Variants in RALGAPA2 observed in about 807,000 individuals in gnomAD.
The protein encoded by RALGAPA2 is Ral GTPase activating protein catalytic subunit alpha 2, also known as ral GTPase-activating protein subunit alpha-2.
Under a neutral mutation model 230.4 loss-of-function variants are expected in RALGAPA2, and 139 were observed. The observed-to-expected ratio is 0.60, with a 90% CI of 0.53 to 0.69. The LOEUF (loss-of-function observed/expected upper bound fraction) is 0.69. RALGAPA2 is among the 30% of genes least tolerant of loss of function. RALGAPA2 has a pLI of 0.00. For missense variants in RALGAPA2, 2,163 were observed against 2,276.0 expected, an observed-to-expected ratio of 0.95 and a Z score of 1.01; for synonymous variants, 847 against 837.8, an observed-to-expected ratio of 1.01 and a Z score of -0.19.
intron 37 of RALGAPA2, among the ~76,000 whole-genome samples, chr20:20,467,464 T>A (rs2061443425): frequency 6.6e-6 from 1 of 152,246 alleles, no homozygotes; most frequent in Admixed American, 6.5e-5. Context: ...TCCTTTATTC[T>A]ACATGATTTC....
chr20:20,655,025 T>C (rs1024101886), intron 3 of RALGAPA2, among the ~76,000 whole-genome samples: 1 of 152,238 alleles, frequency 6.6e-6, no homozygotes, highest in African/African-American at 2.4e-5. Context: ...ATAAACTTGT[T>C]GGCCAAATGT....
chr20:20,690,078 TTC>T (rs1392477381), intron 1 of RALGAPA2, among the ~76,000 whole-genome samples: 59 of 152,322 alleles, frequency 3.9e-4, no homozygotes, highest in African/African-American at 1.4e-3. Flanking sequence ...CATAAGTGTA[TTC>T]TACAAGTACA....
chr20:20,482,385 T>C (rs994794429), intron 36 of RALGAPA2, among the ~76,000 whole-genome samples: 1 of 151,888 alleles, frequency 6.6e-6, no homozygotes, highest in Admixed American at 6.6e-5. Context: ...CTACAGAGAG[T>C]TCTTTTCTAG....
At position 20,582,608 on chromosome 20, in the gene RALGAPA2, G is replaced by T. The variant is rs530807328; in HGVS notation, c.2707+442C>A. ...CCCAAGATAATGGGAGAAGGGGAGG[G>T]ACTTGAGAAGGACCTCTAGGAGACC... On this transcript the variant is annotated intron_variant, in intron 20 of 39. Coordinates refer to ENST00000202677, the MANE Select transcript of RALGAPA2 (RefSeq NM_020343.4). 2.6e-5 allele frequency among the ~76,000 whole-genome samples: 4 copies of T among 152,150 alleles called. No homozygotes were observed. In the East Asian group the frequency reaches 7.7e-4, roughly 29 times the overall value.
intron 13 of RALGAPA2, among the ~76,000 whole-genome samples, chr20:20,614,004 T>C (rs1052778401): frequency 4.6e-5 from 7 of 152,320 alleles, no homozygotes; most frequent in Non-Finnish European, 7.4e-5. Context: ...AGGGACCTTG[T>C]CTACATAGTT....
chr20:20,400,633 A>G (rs948113765), intron 38 of RALGAPA2, among the ~76,000 whole-genome samples: 9 of 152,176 alleles, frequency 5.9e-5, no homozygotes, highest in Non-Finnish European at 1.0e-4. Flanking sequence ...TCTCACTCTC[A>G]TGGAACATAA....
At chr20:20,570,137 A>C (rs1253677150) in intron 23 of RALGAPA2, among the ~76,000 whole-genome samples, 1 of 152,186 alleles carries the variant, frequency 6.6e-6, no homozygotes, top group African/African-American at 2.4e-5. Flanking sequence ...TAGGAAATAA[A>C]TGAGATTATG....
Position 20,513,044 on chromosome 20 carries a change from G to A in RALGAPA2, c.4325C>T (p.Thr1442Ile), listed in dbSNP as rs767357889. 22 of 1,612,150 alleles carry A rather than the reference G, an allele frequency of 1.4e-5. No homozygotes were observed. The highest frequency in any genetic ancestry group is 1.8e-5 in the Non-Finnish European group (21 of 1,179,246). Residue 1442 changes from threonine to isoleucine, a missense_variant, in exon 32 of 40, where the codon ACA becomes ATA. By Grantham distance (89) the Thr-to-Ile change is moderately conservative (BLOSUM62 -1). Transcript: ENST00000202677. ...TCCCCCTACCGGTCCTTCTGTGGGT[G>A]TCTGAAGGTAGGAGATGAGGGTGCT... ...NDSTLISYLQ[T>I]PTEGPVGGSP...
chr20:20,536,082 G>A lies in RALGAPA2; in HGVS notation c.3415-279C>T, dbSNP rs188937205. On this transcript the variant is annotated intron_variant, in intron 25 of 39. Coordinates refer to ENST00000202677, the MANE Select transcript of RALGAPA2 (RefSeq NM_020343.4). ...TCAGACTTCCAGATAGGAAAATCTC[G>A]GTTTTCTTTTACTTCAATTGAATTA... Among the ~76,000 whole-genome samples the A allele has an allele frequency of 4.6e-5, 7 of 152,204 alleles. No individual in the cohort carries two copies. The East Asian group carries it at 5.8e-4, about 13-fold the overall frequency.
rs577035650 is a variant in RALGAPA2, at chr20:20,429,824, T to C, written c.5496-17676A>G. ...ACAGGAATGAACTGTCATTCTTTCA[T>C]TGCTATCTTCCAAGGGGGTGAACCA... On this transcript the variant is annotated intron_variant, in intron 37 of 39. Coordinates refer to ENST00000202677, the MANE Select transcript of RALGAPA2 (RefSeq NM_020343.4). Among the ~76,000 whole-genome samples the C allele has an allele frequency of 9.8e-5, 15 of 152,344 alleles. No individual in the cohort carries two copies. The South Asian group carries it at 2.5e-3, about 25-fold the overall frequency.
At chr20:20,441,668 G>A (rs1313938978) in intron 37 of RALGAPA2, among the ~76,000 whole-genome samples, 1 of 152,220 alleles carries the variant, frequency 6.6e-6, no homozygotes, top group Non-Finnish European at 1.5e-5. Context: ...ATACAGAGCT[G>A]TAGAGTTGAC....
chr20:20,398,665 C>T lies in RALGAPA2; in HGVS notation c.5618-1931G>A, dbSNP rs1006965274. ...GAGGGCACCTGGAGGGCAATGTGCT[C>T]GGAGATGGGGGGTGGGAAGAGGCCA... is the stretch of plus-strand genomic sequence containing the variant. On this transcript the variant is annotated intron_variant, in intron 38 of 39. Transcript: ENST00000202677. This position sits in a 1 kb window ranked among gnomAD's most constrained non-coding sequence, Gnocchi z 4.5. 4.0e-5 allele frequency among the ~76,000 whole-genome samples: 6 copies of T among 151,562 alleles called. No homozygotes were observed. The highest frequency in any genetic ancestry group is 1.2e-4 in the African/African-American group (5 of 41,178).
intron 37 of RALGAPA2, among the ~76,000 whole-genome samples, chr20:20,418,331 A>T (rs1304398462): frequency 6.6e-6 from 1 of 152,198 alleles, no homozygotes. Flanking sequence ...CAAACACAGA[A>T]TATGTAATAA....
chr20:20,476,638 G>A (rs1020460622), intron 36 of RALGAPA2, among the ~76,000 whole-genome samples: 1 of 150,182 alleles, frequency 6.7e-6, no homozygotes, highest in African/African-American at 2.4e-5. Flanking sequence ...CTTAGGATAG[G>A]CAAGGATTTT....
At chr20:20,602,813 CGTGTGTGTGTGTGTGT>C (rs35087554) in intron 15 of RALGAPA2, among the ~76,000 whole-genome samples, 1 of 147,676 alleles carries the variant, frequency 6.8e-6, no homozygotes, top group Non-Finnish European at 1.5e-5. Flanking sequence ...GAATGGCAGG[CGTGTGTGTGTGTGTGT>C]GTGTGTGTGT....
chr20:20,712,631 T>C lies in RALGAPA2; in HGVS notation c.-151A>G. On this transcript the variant is annotated 5_prime_UTR_variant, in exon 1 of 40. Transcript: ENST00000202677. This position sits in a 1 kb window ranked among gnomAD's most constrained non-coding sequence, Gnocchi z 5.5. ...CGCCGCCGCCGCCGCCGCCGCCGCC[T>C]CAGCTGTGTCTCCAGGAAGGAGGGG... 2 of 1,061,496 alleles carry C rather than the reference T, an allele frequency of 1.9e-6. No individual in the cohort carries two copies. The allele number at this position is 1,061,496 out of a possible 1,614,324, so 65.8% of individuals were successfully genotyped here. A position where few individuals can be genotyped will look rare whatever the true frequency, so the allele number is the denominator to read the frequency against.
At chr20:20,459,251 C>T (rs2061243990) in intron 37 of RALGAPA2, among the ~76,000 whole-genome samples, 1 of 152,098 alleles carries the variant, frequency 6.6e-6, no homozygotes, top group Admixed American at 6.5e-5. Context: ...AACAATTTTA[C>T]ACTATTGAAT....
chr20:20,557,582 T>G (rs1192962306), intron 23 of RALGAPA2, among the ~76,000 whole-genome samples: 1 of 152,186 alleles, frequency 6.6e-6, no homozygotes, highest in Non-Finnish European at 1.5e-5. Context: ...TGCAAGGGCA[T>G]AGTAAAGATT....
chr20:20,441,450 C>T (rs777112227), intron 37 of RALGAPA2, among the ~76,000 whole-genome samples: 2 of 152,208 alleles, frequency 1.3e-5, no homozygotes, highest in Non-Finnish European at 2.9e-5. Context: ...ACCTTGCCCT[C>T]CCTGGGCCTC....
Sources: allele counts gnomAD v4.1 joint callset (sites outside exome capture counted in the v4.1 genomes callset), GRCh38; gene constraint gnomAD v4.1.1; non-coding constraint Gnocchi (gnomAD v3.1); transcripts MANE v1.5; gene names NCBI Gene and HGNC (gene_info 2026-07-23, HGNC 2026-07-21).